Variants in MVB12B observed in about 807,000 individuals in gnomAD.
The protein encoded by MVB12B is ESCRT-I complex subunit MVB12B.
Under a neutral mutation model 41.6 loss-of-function variants are expected in MVB12B, and 16 were observed. The ratio of observed to expected loss-of-function variants is 0.38; its 90% CI spans 0.26 to 0.58. The LOEUF is 0.58. MVB12B is among the 20% of genes least tolerant of loss of function. MVB12B has a pLI of 0.62. For missense variants in MVB12B, 274 were observed against 380.2 expected (o/e 0.72, Z 2.32); for synonymous variants, 133 against 139.7 (o/e 0.95, Z 0.34).
At chr9:126,366,883 C>T (rs1255518258) in intron 2 of MVB12B, among the ~76,000 whole-genome samples, 2 of 152,180 alleles carry the variant, frequency 1.3e-5, no homozygotes, top group African/African-American at 4.8e-5. Context: ...TGGACAAGCC[C>T]ACAAATCGTG....
intron 7 of MVB12B, among the ~76,000 whole-genome samples, chr9:126,446,938 C>CTTTTTTTTTTTTTTTTTTTTCTTTTT (rs33991689): frequency 9.6e-6 from 1 of 104,326 alleles, no homozygotes; most frequent in Non-Finnish European, 1.8e-5. Context: ...TTTTAACTTT[C>CTTTTTTTTTTTTTTTTTTTTCTTTTT]TTTTTTTTTT....
chr9:126,400,604 G>C (rs7860835), intron 6 of MVB12B, among the ~76,000 whole-genome samples: 3,535 of 152,316 alleles, frequency 0.023, 126 homozygotes, highest in African/African-American at 0.071. Flanking sequence ...TCAGGGCCCT[G>C]CAGTGGGCAG....
chr9:126,408,572 A>C (rs768946171), intron 6 of MVB12B, among the ~76,000 whole-genome samples: 1 of 151,680 alleles, frequency 6.6e-6, no homozygotes, highest in Non-Finnish European at 1.5e-5. Flanking sequence ...AACCCGTCAC[A>C]GGCTTTTAAG....
intron 7 of MVB12B, among the ~76,000 whole-genome samples, chr9:126,435,899 G>T (rs369006987): frequency 6.6e-5 from 10 of 152,210 alleles, no homozygotes; most frequent in African/African-American, 2.2e-4. Context: ...CTGTAGATGC[G>T]GGGGGACTGC....
At chr9:126,482,691 A>G (rs1833549738) in intron 8 of MVB12B, among the ~76,000 whole-genome samples, 1 of 152,202 alleles carries the variant, frequency 6.6e-6, no homozygotes, top group African/African-American at 2.4e-5. Flanking sequence ...TTGGCAGCAC[A>G]GAGAGCACCA....
intron 2 of MVB12B, among the ~76,000 whole-genome samples, chr9:126,356,323 T>C (rs1282473502): frequency 1.3e-5 from 2 of 152,232 alleles, no homozygotes; most frequent in African/African-American, 2.4e-5. Context: ...GGGAGCATGA[T>C]TTGGGTACTT....
intron 1 of MVB12B, among the ~76,000 whole-genome samples, chr9:126,331,265 C>T (rs770215126): frequency 1.3e-5 from 2 of 152,146 alleles, no homozygotes; most frequent in Non-Finnish European, 2.9e-5. Flanking sequence ...CACATGCTTG[C>T]GAACAGTTAT....
intron 7 of MVB12B, among the ~76,000 whole-genome samples, chr9:126,466,535 G>A (rs776021307): frequency 2.0e-5 from 3 of 152,174 alleles, no homozygotes; most frequent in African/African-American, 2.4e-5. Flanking sequence ...ACATGACCGC[G>A]TAGGTGACAA....
Position 126,480,389 on chromosome 9 carries a change from T to G in MVB12B, c.758-980T>G, listed in dbSNP as rs1043369302. On this transcript the variant is annotated intron_variant, in intron 7 of 9. Coordinates refer to ENST00000361171, the MANE Select transcript of MVB12B (RefSeq NM_033446.3). This position sits in a 1 kb window ranked among gnomAD's most constrained non-coding sequence, Gnocchi z 4.9. ...CGTCTCGTCCAGTGTGACCTGTTCC[T>G]CAATGTGGCAGGATTTCCAGTCCTG... 1.4e-4 allele frequency among the ~76,000 whole-genome samples: 22 copies of G among 152,200 alleles called. No individual in the cohort carries two copies. Among genetic ancestry groups the G allele is most frequent in the Admixed American group, 8.5e-4 (13 of 15,280 alleles).
chr9:126,427,553 TTTG>T (rs1163156135), intron 7 of MVB12B, among the ~76,000 whole-genome samples: 1 of 152,232 alleles, frequency 6.6e-6, no homozygotes, highest in Non-Finnish European at 1.5e-5. Flanking sequence ...TTTTGTTGTG[TTTG>T]TTGTTGTAAT....
intron 7 of MVB12B, among the ~76,000 whole-genome samples, chr9:126,437,411 T>C (rs1383359714): frequency 6.6e-6 from 1 of 152,244 alleles, no homozygotes; most frequent in Non-Finnish European, 1.5e-5. Context: ...TATTAAACTA[T>C]GTGCATCTGC....
At chr9:126,388,209 C>T (rs770285772) in intron 4 of MVB12B, among the ~76,000 whole-genome samples, 16 of 152,234 alleles carry the variant, frequency 1.1e-4, no homozygotes, top group East Asian at 7.7e-4. Flanking sequence ...CCCCACTCCC[C>T]GCCAGCCCTA....
chr9:126,385,258 T>C (rs551696526), intron 3 of MVB12B, among the ~76,000 whole-genome samples: 1 of 152,332 alleles, frequency 6.6e-6, no homozygotes, highest in African/African-American at 2.4e-5. Context: ...CTTGTATTTA[T>C]AGTAGGAACA....
At chr9:126,444,637 T>A (rs1283032440) in intron 7 of MVB12B, among the ~76,000 whole-genome samples, 1 of 152,226 alleles carries the variant, frequency 6.6e-6, no homozygotes, top group Non-Finnish European at 1.5e-5. Flanking sequence ...TTTCATTTCA[T>A]GTTTCCTTTA....
At chr9:126,465,213 A>T (rs1206997099) in intron 7 of MVB12B, among the ~76,000 whole-genome samples, 16 of 152,196 alleles carry the variant, frequency 1.1e-4, no homozygotes, top group Admixed American at 1.0e-3. Flanking sequence ...TTACCAATAC[A>T]TATTTAATAC....
At chr9:126,406,051 GT>G (rs992511219) in intron 6 of MVB12B, among the ~76,000 whole-genome samples, 93 of 144,136 alleles carry the variant, frequency 6.5e-4, no homozygotes, top group Middle Eastern at 3.5e-3. Context: ...TTTGTGGGGG[GT>G]TTTTTTTTTT....
rs533540987 is a variant in MVB12B at position 126,507,023 on chromosome 9, G to A, written c.*3760G>A. The stretch of plus-strand genomic sequence containing the variant: ...TCTTAATATAATTTGTTAAATAAAC[G>A]TTTGTTTTAACCTCTTTCCCCAGTT... On this transcript the variant is annotated 3_prime_UTR_variant, in exon 10 of 10. Transcript: ENST00000361171. The A allele has an allele frequency of 2.6e-5, 4 of 152,796 alleles. No homozygotes were observed. The highest frequency in any genetic ancestry group is 2.1e-4 in the South Asian group (1 of 4,828). 9.5% of individuals were successfully genotyped at this position (152,796 alleles called of 1,614,324 possible).
chr9:126,450,733 C>T (rs1832873194), intron 7 of MVB12B, among the ~76,000 whole-genome samples: 1 of 152,202 alleles, frequency 6.6e-6, no homozygotes, highest in Non-Finnish European at 1.5e-5. Context: ...TTAATAGATG[C>T]AGAAACCAAG....
chr9:126,434,480 A>G (rs1832417214), intron 7 of MVB12B, among the ~76,000 whole-genome samples: 1 of 152,194 alleles, frequency 6.6e-6, no homozygotes, highest in Non-Finnish European at 1.5e-5. Context: ...CAACATCCAT[A>G]ATTTTGAATG....
Sources: gnomAD v4.1 joint callset for allele counts (sites outside exome capture counted in the v4.1 genomes callset) on GRCh38, gnomAD v4.1.1 for gene constraint, Gnocchi (gnomAD v3.1) non-coding constraint, MANE v1.5 for transcripts, NCBI Gene and HGNC (gene_info 2026-07-23, HGNC 2026-07-21) for gene names.